PIEZO2: variants seen among roughly 807,000 people sequenced by gnomAD.
PIEZO2 encodes piezo type mechanosensitive ion channel component 2.
A neutral mutation model predicts 337.3 loss-of-function variants in PIEZO2; 172 were observed. That is an observed-to-expected ratio of 0.51 (90% CI 0.45 to 0.58). PIEZO2 has a LOEUF of 0.58. Among genes scored for constraint, PIEZO2 ranks in the 20% least tolerant of loss-of-function variants. The probability of loss-of-function intolerance (pLI) is 0.00; values close to 1 mark genes in which losing one functional copy is unlikely to be tolerated. For synonymous variants in PIEZO2, 1,251 were observed against 1,228.5 expected, an observed-to-expected ratio of 1.02 and a Z score of -0.38; for missense variants, 3,028 against 3,391.3, an observed-to-expected ratio of 0.89 and a Z score of 2.66.
At chr18:10,768,574 A>G (rs1050932318) in intron 21 of PIEZO2, among the ~76,000 whole-genome samples, 5 of 152,206 alleles carry the variant, frequency 3.3e-5, no homozygotes, top group African/African-American at 1.2e-4. Flanking sequence ...AAAGAGCAGG[A>G]TTTCTATGCT....
intron 48 of PIEZO2, 32 bp downstream of exon 48, chr18:10,691,193 A>T (rs749299216): frequency 8.7e-6 from 14 of 1,603,816 alleles, no homozygotes; most frequent in South Asian, 3.4e-5. Flanking sequence ...TTCTTCCCCC[A>T]TAAGTGACTG....
chr18:10,905,982 T>C (rs1301147241), intron 4 of PIEZO2, among the ~76,000 whole-genome samples: 1 of 152,198 alleles, frequency 6.6e-6, no homozygotes, highest in Non-Finnish European at 1.5e-5. Flanking sequence ...CAGGTTTTAC[T>C]GAGCAATAAT....
chr18:11,071,256 A>G (rs1004754215), intron 1 of PIEZO2, among the ~76,000 whole-genome samples: 1 of 152,216 alleles, frequency 6.6e-6, no homozygotes, highest in East Asian at 1.9e-4. Context: ...AATATAGGTG[A>G]TCTGCAAGAA....
At position 10,815,703 on chromosome 18, in the gene PIEZO2, TC is replaced by T. The variant is rs763455359; in HGVS notation, c.918-8430del. On this transcript the variant is annotated intron_variant, in intron 7 of 55. Transcript: ENST00000674853. This position sits in a 1 kb window ranked among gnomAD's most constrained non-coding sequence, Gnocchi z 4.1. ...AGATAATATTTGGGAGTGCTCTCAC[TC>T]AGGAACAAGAGAAGAAGGAGAACAG... is the stretch of plus-strand genomic sequence containing the variant. Among the ~76,000 whole-genome samples the T allele has an allele frequency of 5.3e-4, 80 of 152,286 alleles. No individual in the cohort carries two copies. Among genetic ancestry groups the T allele is most frequent in the Non-Finnish European group, 9.6e-4 (65 of 68,022 alleles).
rs949801350 is a variant in PIEZO2 at position 11,146,233 on chromosome 18, G to T, written c.64+2292C>A. Among the ~76,000 whole-genome samples, 2 of 152,148 alleles carry T rather than the reference G, an allele frequency of 1.3e-5. No homozygotes were observed. Among genetic ancestry groups the T allele is most frequent in the South Asian group, 4.1e-4 (2 of 4,824 alleles). ...CCCCGAGGCAAGACGCAGTTTGCAT[G>T]TTGGCCAAGGTTATTATCTTGTCGC... is the stretch of plus-strand genomic sequence containing the variant. On this transcript the variant is annotated intron_variant, in intron 1 of 55. Transcript: ENST00000674853. This position sits in a 1 kb window ranked among gnomAD's most constrained non-coding sequence, Gnocchi z 6.1.
Position 10,791,175 on chromosome 18 carries a change from C to A in PIEZO2, c.1882+26G>T, listed in dbSNP as rs772221978. On this transcript the variant is annotated intron_variant, in intron 14 of 55. Transcript: ENST00000674853. The stretch of plus-strand genomic sequence containing the variant: ...GTAATTTTGCTGAGCACCAAACTCT[C>A]CAGCCACACATATACACTAATTTAC... 2.6e-6 allele frequency: 4 copies of A among 1,513,458 alleles called. No homozygotes were observed. In the South Asian group the frequency reaches 5.0e-5, roughly 19 times the overall value. 93.8% of individuals were successfully genotyped at this position (1,513,458 alleles called of 1,614,324 possible).
rs114161469 is a variant in PIEZO2, at chr18:10,865,753, C to T, written c.492+5500G>A. On this transcript the variant is annotated intron_variant, in intron 5 of 55. Transcript: ENST00000674853. Reference sequence around the variant, plus strand: ...TACAATTTAAAGGAGGAAAGTAGTACGAAGAAGTGACTGAGATTCCTTGAG... The same window carrying T: ...TACAATTTAAAGGAGGAAAGTAGTATGAAGAAGTGACTGAGATTCCTTGAG... 2.5e-3 allele frequency among the ~76,000 whole-genome samples: 387 copies of T among 152,144 alleles called. 4 individuals carry two copies. Among genetic ancestry groups the T allele is most frequent in the African/African-American group, 8.7e-3 (361 of 41,484 alleles).
chr18:10,751,910 T>C (rs1374558927), intron 28 of PIEZO2, among the ~76,000 whole-genome samples: 1 of 152,144 alleles, frequency 6.6e-6, no homozygotes, highest in Non-Finnish European at 1.5e-5. Context: ...GCAGTGTGAG[T>C]TGCATGTCAT....
intron 16 of PIEZO2, among the ~76,000 whole-genome samples, chr18:10,785,950 G>A (rs987013909): frequency 4.0e-5 from 6 of 151,692 alleles, no homozygotes; most frequent in African/African-American, 9.7e-5. Context: ...CCCACTCTTC[G>A]CTGTCCACTC....
rs1203111335 is a variant in PIEZO2 at position 10,731,421 on chromosome 18, T to C, written c.5015A>G (p.Lys1672Arg). Reference sequence around the variant, plus strand: ...CCACCACTCACCCTCCTTGGATCCTTTCCGCCTTCGTTTCCGTTCTTCTCT... The same window carrying C: ...CCACCACTCACCCTCCTTGGATCCTCTCCGCCTTCGTTTCCGTTCTTCTCT... ...SAREERKRRRKGSKEGPVEWE... is the reference protein window; with the variant it reads ...SAREERKRRRRGSKEGPVEWE... The change falls in exon 36 of 56, where the codon AAA (lysine) becomes AGA (arginine). Residue 1672 changes from lysine (K) to arginine (R), a missense_variant. Lys to Arg is a conservative substitution (Grantham distance 26). Coordinates refer to ENST00000674853, the MANE Select transcript of PIEZO2 (RefSeq NM_001378183.1). The C allele has an allele frequency of 1.3e-6, 2 of 1,534,440 alleles. No individual in the cohort carries two copies. Among genetic ancestry groups the C allele is most frequent in the East Asian group, 2.5e-5 (1 of 40,748 alleles).
intron 2 of PIEZO2, among the ~76,000 whole-genome samples, chr18:11,039,213 A>G (rs1354104611): frequency 2.6e-5 from 4 of 152,234 alleles, no homozygotes; most frequent in Non-Finnish European, 5.9e-5. Context: ...TGCTGGGCTC[A>G]ACAAGCGATT....
At chr18:10,835,698 C>T (rs1282792511) in intron 7 of PIEZO2, among the ~76,000 whole-genome samples, 1 of 152,212 alleles carries the variant, frequency 6.6e-6, no homozygotes, top group African/African-American at 2.4e-5. Flanking sequence ...CACGTGCTAC[C>T]ACACCTGGCA....
chr18:10,701,453 T>C (rs2035326869), intron 43 of PIEZO2, among the ~76,000 whole-genome samples: 1 of 152,114 alleles, frequency 6.6e-6, no homozygotes, highest in Non-Finnish European at 1.5e-5. Context: ...CAGCTCTGGG[T>C]TTTACTGGGC....
At position 10,707,001 on chromosome 18, in the gene PIEZO2, G is replaced by T. The variant is rs1043491527; in HGVS notation, c.5589-1255C>A. The stretch of plus-strand genomic sequence containing the variant: ...AATGAACCTTGGCAGAGCGGCTCAC[G>T]GCATCCTGTGACTGAAGAACCAGAT... On this transcript the variant is annotated intron_variant, in intron 40 of 55. Transcript: ENST00000674853. The surrounding 1 kb of genome is among the most constrained non-coding windows in gnomAD (Gnocchi z 4.2). Among the ~76,000 whole-genome samples the T allele has an allele frequency of 2.0e-5, 3 of 152,094 alleles. No homozygotes were observed. The highest frequency in any genetic ancestry group is 4.4e-5 in the Non-Finnish European group (3 of 68,014).
chr18:10,974,741 A>G (rs1026841031), intron 3 of PIEZO2, among the ~76,000 whole-genome samples: 10 of 152,208 alleles, frequency 6.6e-5, no homozygotes, highest in African/African-American at 2.4e-4. Flanking sequence ...CACTATCTGC[A>G]GGTTGGGCAC....
intron 3 of PIEZO2, among the ~76,000 whole-genome samples, chr18:10,930,870 T>C (rs144711178): frequency 5.8e-4 from 88 of 152,360 alleles, no homozygotes; most frequent in Admixed American, 9.8e-4. Flanking sequence ...AGGTAACCGA[T>C]GTCTCTATAG....
At chr18:10,886,511 T>TA (rs2042613445) in intron 4 of PIEZO2, among the ~76,000 whole-genome samples, 10 of 118,346 alleles carry the variant, frequency 8.4e-5, no homozygotes, top group East Asian at 2.3e-4. Context: ...CATATACACA[T>TA]TATATATATA....
intron 13 of PIEZO2, among the ~76,000 whole-genome samples, chr18:10,793,591 A>AT (rs1452115370): frequency 6.6e-6 from 1 of 152,178 alleles, no homozygotes; most frequent in Non-Finnish European, 1.5e-5. Flanking sequence ...AATAATTTTG[A>AT]TTTTTTAAAA....
chr18:10,884,219 G>T (rs529733655), intron 4 of PIEZO2, among the ~76,000 whole-genome samples: 3 of 152,098 alleles, frequency 2.0e-5, no homozygotes, highest in Admixed American at 2.0e-4. Context: ...TCCAGTTGTC[G>T]CAAATGAGAG....
Sources: gnomAD v4.1 joint callset for allele counts (sites outside exome capture counted in the v4.1 genomes callset) on GRCh38, gnomAD v4.1.1 for gene constraint, Gnocchi (gnomAD v3.1) non-coding constraint, MANE v1.5 for transcripts, NCBI Gene and HGNC (gene_info 2026-07-23, HGNC 2026-07-21) for gene names.